RAD51B: variants seen among roughly 807,000 people sequenced by gnomAD.
The protein encoded by RAD51B is DNA repair protein RAD51 homolog 2.
RAD51B carries 38 observed loss-of-function variants against 42.2 expected under a neutral mutation model. The ratio of observed to expected loss-of-function variants is 0.90; its 90% CI spans 0.70 to 1.18. The LOEUF is 1.18. RAD51B is among the 50% of genes most tolerant of loss of function. The pLI is 0.00. For missense variants in RAD51B, 373 were observed against 400.7 expected (o/e 0.93, Z 0.59); for synonymous variants, 154 against 145.2 (o/e 1.06, Z -0.43).
chr14:68,145,929 T>G (rs925178093), intron 7 of RAD51B, among the ~76,000 whole-genome samples: 6 of 152,240 alleles, frequency 3.9e-5, no homozygotes, highest in Admixed American at 2.6e-4. Context: ...TTAGAAACTT[T>G]GGATTTTTAG....
intron 7 of RAD51B, among the ~76,000 whole-genome samples, chr14:67,934,382 C>A (rs1196937777): frequency 6.6e-6 from 1 of 152,000 alleles, no homozygotes; most frequent in Non-Finnish European, 1.5e-5. Context: ...AGTAAACAGG[C>A]GTACTGTGAA....
intron 7 of RAD51B, among the ~76,000 whole-genome samples, chr14:67,945,290 G>A (rs1047852029): frequency 6.6e-6 from 1 of 152,164 alleles, no homozygotes; most frequent in Non-Finnish European, 1.5e-5. Context: ...GTGCCATTTG[G>A]TGAGATCTTT....
intron 10 of RAD51B, chr14:68,540,801 G>A (rs2140367119): frequency 1.0e-6 from 1 of 985,358 alleles, no homozygotes; most frequent in South Asian, 4.7e-5. Context: ...TTTCAACAAA[G>A]AGCAAAGAAT....
chr14:68,094,495 AAC>A (rs1394479828), intron 7 of RAD51B, among the ~76,000 whole-genome samples: 1 of 152,232 alleles, frequency 6.6e-6, no homozygotes, highest in Non-Finnish European at 1.5e-5. Flanking sequence ...GAAAATTTAA[AAC>A]ACACACACAT....
chr14:68,036,829 T>C (rs1056471405), intron 7 of RAD51B, among the ~76,000 whole-genome samples: 1 of 152,180 alleles, frequency 6.6e-6, no homozygotes, highest in African/African-American at 2.4e-5. Flanking sequence ...TCTATATTGC[T>C]ATAAAGTTTT....
chr14:68,491,034 G>A (rs1481209598), intron 10 of RAD51B, among the ~76,000 whole-genome samples: 1 of 152,176 alleles, frequency 6.6e-6, no homozygotes, highest in East Asian at 1.9e-4. Flanking sequence ...GGATAAAAAG[G>A]GAGCTAGGAG....
chr14:67,902,757 A>G (rs1235625462), intron 7 of RAD51B, among the ~76,000 whole-genome samples: 4 of 152,172 alleles, frequency 2.6e-5, no homozygotes, highest in Non-Finnish European at 5.9e-5. Context: ...TGCAATTATT[A>G]GTTAGCTTAT....
chr14:68,668,604 G>A (rs1466569275), intron 11 of RAD51B, among the ~76,000 whole-genome samples: 2 of 152,218 alleles, frequency 1.3e-5, no homozygotes, highest in East Asian at 3.8e-4. Context: ...TTGAGACATG[G>A]GGATCTATTT....
chr14:67,940,055 T>TATATATATATA (rs1342389102), intron 7 of RAD51B, among the ~76,000 whole-genome samples: 105 of 8,640 alleles, frequency 0.012, 1 homozygote, highest in Non-Finnish European at 0.015. Flanking sequence ...TATATATATA[T>TATATATATATA]TTTTTTTTTT....
At chr14:68,671,667 G>A (rs1439166450) in intron 11 of RAD51B, among the ~76,000 whole-genome samples, 3 of 151,874 alleles carry the variant, frequency 2.0e-5, no homozygotes, top group Admixed American at 6.6e-5. Flanking sequence ...ATTGAAAACC[G>A]CCTTGTATGT....
chr14:67,991,916 A>T (rs146100104), intron 7 of RAD51B, among the ~76,000 whole-genome samples: 1 of 152,162 alleles, frequency 6.6e-6, no homozygotes, highest in Non-Finnish European at 1.5e-5. Context: ...ATATAATGCT[A>T]TGTATTACAG....
At chr14:68,257,642 G>A (rs1363021208) in intron 7 of RAD51B, among the ~76,000 whole-genome samples, 2 of 152,176 alleles carry the variant, frequency 1.3e-5, no homozygotes, top group African/African-American at 2.4e-5. Context: ...ACATGAAGGA[G>A]TGAAAAGAGT....
At chr14:68,087,867 A>T (rs1269688792) in intron 7 of RAD51B, among the ~76,000 whole-genome samples, 8 of 79,108 alleles carry the variant, frequency 1.0e-4, no homozygotes, top group African/African-American at 2.3e-4. Context: ...TAATTATATA[A>T]TATATTATTT....
At chr14:68,095,734 G>C (rs2077180918) in intron 7 of RAD51B, among the ~76,000 whole-genome samples, 1 of 151,958 alleles carries the variant, frequency 6.6e-6, no homozygotes. Flanking sequence ...CCAGCACTTT[G>C]GGAGCCCGAG....
chr14:68,506,827 A>C (rs1342648397), intron 10 of RAD51B, among the ~76,000 whole-genome samples: 2 of 152,190 alleles, frequency 1.3e-5, no homozygotes, highest in South Asian at 2.1e-4. Context: ...GTATGTGTGC[A>C]CACATGGTAG....
At chr14:68,016,296 A>G (rs2075777081) in intron 7 of RAD51B, among the ~76,000 whole-genome samples, 1 of 152,094 alleles carries the variant, frequency 6.6e-6, no homozygotes, top group South Asian at 2.1e-4. Context: ...CTCTGGGGGT[A>G]AAAAGCCCCC....
At chr14:68,024,005 C>A (rs2075911081) in intron 7 of RAD51B, among the ~76,000 whole-genome samples, 2 of 152,120 alleles carry the variant, frequency 1.3e-5, no homozygotes, top group African/African-American at 2.4e-5. Flanking sequence ...ATTTAATCTA[C>A]CCTGAGTTAA....
rs545198419 is a variant in RAD51B at position 68,222,018 on chromosome 14, T to C, written c.757-69866T>C. Among the ~76,000 whole-genome samples the C allele has an allele frequency of 6.0e-4, 91 of 152,210 alleles. 5 individuals are homozygous for C. The highest frequency in any genetic ancestry group is 5.9e-5 in the Non-Finnish European group (4 of 68,000). ...CACCTCACTCCTGCAAGAATGGCCA[T>C]AATCAAAACATAAAAAAATAATAGA... On this transcript the variant is annotated intron_variant, in intron 7 of 10. Transcript: ENST00000471583.
chr14:68,449,883 G>C (rs979497178), intron 9 of RAD51B, among the ~76,000 whole-genome samples: 2 of 152,034 alleles, frequency 1.3e-5, no homozygotes, highest in Non-Finnish European at 2.9e-5. Context: ...AGAAGAACTC[G>C]GTCTGAATAT....
Sources: gnomAD v4.1 joint callset for allele counts (sites outside exome capture counted in the v4.1 genomes callset) on GRCh38, gnomAD v4.1.1 for gene constraint, MANE v1.5 for transcripts, NCBI Gene and HGNC (gene_info 2026-07-23, HGNC 2026-07-21) for gene names.